LIMCH1: variants seen among roughly 807,000 people sequenced by gnomAD.
LIMCH1 encodes LIM and calponin homology domains 1.
LIMCH1 carries 113 observed loss-of-function variants against 176.5 expected under a neutral mutation model. The observed-to-expected ratio is 0.64, with a 90% CI of 0.55 to 0.75. The LOEUF (loss-of-function observed/expected upper bound fraction) is 0.75. Ranked by LOEUF, LIMCH1 falls within the 30% of genes least tolerant of loss-of-function variation. LIMCH1 has a pLI of 0.00. For missense variants in LIMCH1, 1,674 were observed against 1,814.9 expected, an observed-to-expected ratio of 0.92 and a Z score of 1.41; for synonymous variants, 619 against 645.9, an observed-to-expected ratio of 0.96 and a Z score of 0.63.
chr4:41,542,409 CTCAG>C (rs1449834082), intron 1 of LIMCH1, among the ~76,000 whole-genome samples: 4 of 150,136 alleles, frequency 2.7e-5, no homozygotes, highest in African/African-American at 9.9e-5. Flanking sequence ...TCTCAAATTA[CTCAG>C]TCAGGGTAAT....
intron 1 of LIMCH1, among the ~76,000 whole-genome samples, chr4:41,420,180 C>T (rs935171429): frequency 3.9e-5 from 6 of 152,092 alleles, no homozygotes; most frequent in African/African-American, 1.2e-4. Flanking sequence ...TTCCATTTTC[C>T]GTGTGTCAGT....
chr4:41,695,422 G>C (rs1006446007), intron 31 of LIMCH1, among the ~76,000 whole-genome samples: 2 of 151,222 alleles, frequency 1.3e-5, no homozygotes, highest in African/African-American at 4.8e-5. Flanking sequence ...TTTTTTTCCA[G>C]TTAGCCACTT....
At chr4:41,603,774 AT>A in intron 2 of LIMCH1, 100 bp from the exon 3 acceptor site, 1 of 767,152 alleles carries the variant, frequency 1.3e-6, no homozygotes, top group South Asian at 1.8e-5. Context: ...TGATTTCATT[AT>A]ATATGTTAGC....
intron 1 of LIMCH1, among the ~76,000 whole-genome samples, chr4:41,367,263 A>G (rs2053162950): frequency 6.6e-6 from 1 of 152,194 alleles, no homozygotes. Context: ...AGGACAGATG[A>G]TATAGTCATA....
intron 2 of LIMCH1, among the ~76,000 whole-genome samples, chr4:41,494,867 C>G (rs1332651722): frequency 6.6e-6 from 1 of 152,180 alleles, no homozygotes; most frequent in Non-Finnish European, 1.5e-5. Context: ...AATAATCTTT[C>G]ACTGTGCATC....
intron 1 of LIMCH1, among the ~76,000 whole-genome samples, chr4:41,476,380 C>T (rs1184853171): frequency 1.3e-5 from 2 of 152,150 alleles, no homozygotes; most frequent in Admixed American, 1.3e-4. Context: ...AGCACTTGTT[C>T]TTCATTGCTG....
chr4:41,619,987 AG>A (rs2092440479), intron 6 of LIMCH1: 1 of 186,790 alleles, frequency 5.4e-6, no homozygotes, highest in East Asian at 1.3e-4. Flanking sequence ...TCATTTATTC[AG>A]CAAGTACTTA....
chr4:41,513,566 C>G (rs2075195737), intron 2 of LIMCH1, among the ~76,000 whole-genome samples: 1 of 152,208 alleles, frequency 6.6e-6, no homozygotes, highest in Non-Finnish European at 1.5e-5. Context: ...GGACTCCACT[C>G]ATTCCCATCC....
rs777318985 is a variant in LIMCH1 at position 41,598,994 on chromosome 4, C to T, written c.-166C>T. 12 of 1,611,170 alleles carry T rather than the reference C, an allele frequency of 7.4e-6. No individual in the cohort carries two copies. Among genetic ancestry groups the T allele is most frequent in the Middle Eastern group, 3.3e-4 (2 of 6,048 alleles). ...AATCTCAACTTTTTGACCCGAGTGACCTCCAGGATACATCCAACAGAGTAA... is the reference window on the plus strand; with the variant it reads ...AATCTCAACTTTTTGACCCGAGTGATCTCCAGGATACATCCAACAGAGTAA... On this transcript the variant is annotated 5_prime_UTR_variant, in exon 2 of 32. Coordinates refer to ENST00000503057, the MANE Select transcript of LIMCH1 (RefSeq NM_001330672.2).
chr4:41,394,197 C>T (rs1036849437), intron 1 of LIMCH1, among the ~76,000 whole-genome samples: 1 of 152,072 alleles, frequency 6.6e-6, no homozygotes. Flanking sequence ...TGATTGAGTC[C>T]TACCATACCT....
intron 1 of LIMCH1, among the ~76,000 whole-genome samples, chr4:41,401,088 A>C (rs1028207732): frequency 3.4e-4 from 52 of 152,322 alleles, no homozygotes; most frequent in African/African-American, 1.2e-3. Flanking sequence ...TTGGTGTTTT[A>C]CACATGAAGT....
intron 13 of LIMCH1, among the ~76,000 whole-genome samples, chr4:41,638,217 C>T (rs1039653377): frequency 3.3e-5 from 5 of 151,946 alleles, no homozygotes; most frequent in Admixed American, 6.6e-5. Flanking sequence ...TTTAGACTTC[C>T]GGTGACTATC....
intron 1 of LIMCH1, among the ~76,000 whole-genome samples, chr4:41,593,630 G>A (rs2088095367): frequency 6.6e-6 from 1 of 152,180 alleles, no homozygotes; most frequent in African/African-American, 2.4e-5. Context: ...GAATGGTATG[G>A]TGAATAAGCG....
intron 30 of LIMCH1, among the ~76,000 whole-genome samples, chr4:41,691,063 T>C (rs1474162187): frequency 6.6e-6 from 1 of 152,178 alleles, no homozygotes; most frequent in Non-Finnish European, 1.5e-5. Flanking sequence ...TAAGGGCTCT[T>C]TGCAGATTCT....
At chr4:41,487,110 C>G (rs1340683549) in intron 1 of LIMCH1, among the ~76,000 whole-genome samples, 1 of 152,066 alleles carries the variant, frequency 6.6e-6, no homozygotes, top group Non-Finnish European at 1.5e-5. Flanking sequence ...CCACCCGCCT[C>G]GGACTCCCAA....
chr4:41,646,018 C>A, intron 15 of LIMCH1, 105 bp from the exon 16 acceptor site: 2 of 1,150,514 alleles, frequency 1.7e-6, no homozygotes, highest in Non-Finnish European at 2.5e-6. Context: ...GTGCCTGGGC[C>A]CATAGTCAGT....
intron 23 of LIMCH1, 30 bp downstream of exon 23, chr4:41,676,492 T>C: frequency 6.5e-7 from 1 of 1,548,248 alleles, no homozygotes; most frequent in Non-Finnish European, 8.9e-7. Context: ...TTTTTTTGTT[T>C]TTCCTTTTTT....
intron 1 of LIMCH1, among the ~76,000 whole-genome samples, chr4:41,543,672 C>T (rs192745516): frequency 4.8e-4 from 73 of 152,190 alleles, no homozygotes; most frequent in Admixed American, 2.4e-3. Context: ...TCTCAGCTCC[C>T]GTGTCAGACC....
intron 3 of LIMCH1, among the ~76,000 whole-genome samples, chr4:41,532,908 G>C (rs1462995583): frequency 6.6e-6 from 1 of 152,148 alleles, no homozygotes; most frequent in Admixed American, 6.5e-5. Context: ...TCAGGAATAT[G>C]AGCAAGGCTT....
Sources: gnomAD v4.1 joint callset for allele counts (sites outside exome capture counted in the v4.1 genomes callset) on GRCh38, gnomAD v4.1.1 for gene constraint, MANE v1.5 for transcripts, NCBI Gene and HGNC (gene_info 2026-07-23, HGNC 2026-07-21) for gene names.